ARHGEF28: variants seen among roughly 807,000 people sequenced by gnomAD.
The protein encoded by ARHGEF28 is Rho guanine nucleotide exchange factor 28.
Under a neutral mutation model 206.6 loss-of-function variants are expected in ARHGEF28, and 152 were observed. The ratio of observed to expected loss-of-function variants is 0.74; its 90% confidence interval spans 0.64 to 0.84. The LOEUF is 0.84. Ranked by LOEUF, ARHGEF28 falls within the 40% of genes least tolerant of loss-of-function variation. ARHGEF28 has a pLI of 0.00. For synonymous variants in ARHGEF28, 763 were observed against 776.4 expected (o/e 0.98, Z 0.29); for missense variants, 2,028 against 2,073.2 (o/e 0.98, Z 0.42).
intron 9 of ARHGEF28, among the ~76,000 whole-genome samples, chr5:73,802,921 T>TGTGTGTGTGTG (rs1755230380): frequency 8.3e-6 from 1 of 121,076 alleles, no homozygotes; most frequent in Admixed American, 8.8e-5. Flanking sequence ...TGTGTGTGTG[T>TGTGTGTGTGTG]TGGTAGGCTT....
intron 2 of ARHGEF28, among the ~76,000 whole-genome samples, chr5:73,738,383 T>G (rs1751147235): frequency 6.6e-6 from 1 of 152,298 alleles, no homozygotes; most frequent in Non-Finnish European, 1.5e-5. Flanking sequence ...CTCTAAATTG[T>G]ACATTTCTGA....
intron 2 of ARHGEF28, among the ~76,000 whole-genome samples, chr5:73,711,311 A>AT (rs1749230279): frequency 6.6e-6 from 1 of 152,010 alleles, no homozygotes; most frequent in South Asian, 2.1e-4. Context: ...GACTATTCCT[A>AT]TTTTCCTTTT....
chr5:73,901,129 C>A, intron 30 of ARHGEF28, 55 bp from the exon 31 acceptor site: 1 of 1,460,944 alleles, frequency 6.8e-7, no homozygotes, highest in Non-Finnish European at 9.5e-7. Flanking sequence ...ACCCGGTGGG[C>A]TGGCCGATGT....
chr5:73,837,273 C>A lies in ARHGEF28; in HGVS notation c.1147-3207C>A, dbSNP rs1363019009. On this transcript the variant is annotated intron_variant, in intron 10 of 35. Transcript: ENST00000513042. Reference sequence around the variant, plus strand: ...TTGGGTAGTATGGATATTTTGACAACATGAGTTCTTCCAATCCATGAACAC... The same window carrying A: ...TTGGGTAGTATGGATATTTTGACAAAATGAGTTCTTCCAATCCATGAACAC... Among the ~76,000 whole-genome samples, 3 of 152,058 alleles carry A rather than the reference C, an allele frequency of 2.0e-5. No individual in the cohort carries two copies. The East Asian group carries it at 5.8e-4, about 29-fold the overall frequency.
intron 4 of ARHGEF28, among the ~76,000 whole-genome samples, chr5:73,760,391 A>G (rs1580579886): frequency 6.6e-6 from 1 of 151,912 alleles, no homozygotes; most frequent in South Asian, 2.1e-4. Flanking sequence ...AAATCTTGAC[A>G]TTTTTCAAGG....
intron 7 of ARHGEF28, among the ~76,000 whole-genome samples, chr5:73,781,526 T>C (rs1753844394): frequency 6.6e-6 from 1 of 152,206 alleles, no homozygotes; most frequent in Non-Finnish European, 1.5e-5. Context: ...TTGAGGTTAC[T>C]TCTGCTTTTC....
At chr5:73,915,162 C>G (rs546101239) in intron 35 of ARHGEF28, among the ~76,000 whole-genome samples, 1 of 151,586 alleles carries the variant, frequency 6.6e-6, no homozygotes, top group Admixed American at 6.6e-5. Context: ...TTTTTTCTCC[C>G]CTCCTTCCCT....
intron 7 of ARHGEF28, among the ~76,000 whole-genome samples, chr5:73,782,148 A>AAAG (rs1372191167): frequency 6.7e-6 from 1 of 150,276 alleles, no homozygotes; most frequent in East Asian, 1.9e-4. Flanking sequence ...AAAAAAAAAA[A>AAAG]GTAGTCTTGG....
rs1180043885 is a variant in ARHGEF28 at position 73,894,374 on chromosome 5, G to A, written c.3659-19G>A. On this transcript the variant is annotated intron_variant, in intron 28 of 35. Transcript: ENST00000513042. ...ATTCATGTTAGTGATAATCTTCTAT[G>A]GTAAATACTATTTCATAGAAATACT... 1.9e-6 allele frequency: 3 copies of A among 1,580,248 alleles called. No individual in the cohort carries two copies. The highest frequency in any genetic ancestry group is 1.1e-5 in the South Asian group (1 of 87,428).
intron 14 of ARHGEF28, among the ~76,000 whole-genome samples, chr5:73,856,530 A>G (rs1028401629): frequency 3.3e-5 from 5 of 152,140 alleles, no homozygotes; most frequent in Non-Finnish European, 5.9e-5. Context: ...TATAGAGCTT[A>G]AATAACTTAA....
At chr5:73,843,170 G>T (rs1758095146) in intron 11 of ARHGEF28, among the ~76,000 whole-genome samples, 1 of 152,090 alleles carries the variant, frequency 6.6e-6, no homozygotes, top group South Asian at 2.1e-4. Context: ...TCATGGTCTT[G>T]TCTTGGAAAG....
intron 35 of ARHGEF28, chr5:73,923,173 G>A: frequency 6.5e-7 from 1 of 1,534,580 alleles, no homozygotes. Context: ...AGGTAATACT[G>A]CAAGGGGGGT....
At chr5:73,909,249 G>A (rs1407382554) in intron 33 of ARHGEF28, 163 bp from the exon 34 acceptor site, 6 of 1,015,628 alleles carry the variant, frequency 5.9e-6, no homozygotes, top group South Asian at 1.8e-5. Context: ...TCTCTGGAAC[G>A]CCAAAAACCT....
At chr5:73,730,151 C>T (rs886369841) in intron 2 of ARHGEF28, among the ~76,000 whole-genome samples, 1 of 152,106 alleles carries the variant, frequency 6.6e-6, no homozygotes, top group African/African-American at 2.4e-5. Context: ...AAGTTTATAG[C>T]TTATAGTTCT....
At chr5:73,878,419 T>C (rs1249838134) in intron 22 of ARHGEF28, among the ~76,000 whole-genome samples, 6 of 152,124 alleles carry the variant, frequency 3.9e-5, no homozygotes, top group Non-Finnish European at 8.8e-5. Context: ...ATTTAGTCCA[T>C]TTACATTTAA....
At chr5:73,766,502 TG>T (rs1439133073) in intron 4 of ARHGEF28, among the ~76,000 whole-genome samples, 2 of 152,230 alleles carry the variant, frequency 1.3e-5, no homozygotes, top group Admixed American at 1.3e-4. Flanking sequence ...GGGTAGGCTG[TG>T]TTATAAAAGG....
chr5:73,755,277 T>A (rs1375717944), intron 4 of ARHGEF28, among the ~76,000 whole-genome samples: 2 of 152,126 alleles, frequency 1.3e-5, no homozygotes, highest in Non-Finnish European at 2.9e-5. Context: ...CTTGGATTTT[T>A]AAAAAGATTT....
chr5:73,929,200 TATA>T (rs1445889976), intron 35 of ARHGEF28, among the ~76,000 whole-genome samples: 2 of 152,216 alleles, frequency 1.3e-5, no homozygotes, highest in African/African-American at 4.8e-5. Flanking sequence ...AAAATTATAA[TATA>T]ATAGCCACTC....
intron 2 of ARHGEF28, among the ~76,000 whole-genome samples, chr5:73,722,426 A>G (rs753089886): frequency 2.0e-4 from 30 of 152,338 alleles, no homozygotes; most frequent in Non-Finnish European, 3.1e-4. Flanking sequence ...GACTCAATAA[A>G]TGTTTGTGCT....
Sources: allele counts gnomAD v4.1 joint callset (sites outside exome capture counted in the v4.1 genomes callset), GRCh38; gene constraint gnomAD v4.1.1; transcripts MANE v1.5; gene names NCBI Gene and HGNC (gene_info 2026-07-23, HGNC 2026-07-21).